SLC7A14: variants seen among roughly 807,000 people sequenced by gnomAD.
The protein encoded by SLC7A14 is gamma-aminobutyric acid transporter SLC7A14.
A neutral mutation model predicts 60.2 loss-of-function variants in SLC7A14; 37 were observed. The observed-to-expected ratio is 0.61, with a 90% CI of 0.47 to 0.81. The LOEUF (loss-of-function observed/expected upper bound fraction) is 0.81, where lower values mean the gene tolerates loss of function less well. SLC7A14 is among the 30% of genes least tolerant of loss of function. The pLI is 0.00. For synonymous variants in SLC7A14, 399 were observed against 395.8 expected (o/e 1.01, Z -0.10); for missense variants, 886 against 982.7 (o/e 0.90, Z 1.32).
intron 1 of SLC7A14, among the ~76,000 whole-genome samples, chr3:170,557,123 C>T (rs1481987016): frequency 6.6e-6 from 1 of 152,158 alleles, no homozygotes; most frequent in African/African-American, 2.4e-5. Flanking sequence ...GCACAGTTCT[C>T]CTACTGAGTG....
At chr3:170,502,667 T>A (rs907000400) in intron 2 of SLC7A14, 1 of 152,238 alleles carries the variant, frequency 6.6e-6, no homozygotes, top group African/African-American at 2.4e-5. Context: ...GGAACAATAG[T>A]TCACTCTTTT....
At chr3:170,540,282 C>T (rs528906599) in intron 1 of SLC7A14, among the ~76,000 whole-genome samples, 2 of 152,254 alleles carry the variant, frequency 1.3e-5, no homozygotes, top group South Asian at 4.1e-4. Context: ...TAAGGGAGGA[C>T]TACCATAATA....
chr3:170,496,506 G>A lies in SLC7A14; in HGVS notation c.759+2161C>T, dbSNP rs191976619. 2.2e-4 allele frequency: 332 copies of A among 1,496,992 alleles called. No homozygotes were observed. The African/African-American group carries it at 3.8e-3, about 17-fold the overall frequency. The allele number at this position is 1,496,992 out of a possible 1,614,324, so 92.7% of individuals were successfully genotyped here. ...CGCCAAGCGGTCGGAGCTGGAGGCC[G>A]CCCTGCAGCGGGCCAAGCAGGACAT... is the stretch of plus-strand genomic sequence containing the variant. On this transcript the variant is annotated intron_variant, in intron 4 of 7. Coordinates refer to ENST00000231706, the MANE Select transcript of SLC7A14 (RefSeq NM_020949.3).
At chr3:170,483,670 T>C in intron 5 of SLC7A14, 148 bp from the exon 6 acceptor site, 1 of 774,730 alleles carries the variant, frequency 1.3e-6, no homozygotes, top group Non-Finnish European at 2.1e-6. Flanking sequence ...GTGCCTTTAC[T>C]GTAGACCAGT....
chr3:170,546,350 G>A (rs1301976123), intron 1 of SLC7A14, among the ~76,000 whole-genome samples: 1 of 152,196 alleles, frequency 6.6e-6, no homozygotes, highest in Non-Finnish European at 1.5e-5. Flanking sequence ...GGGCATTTGT[G>A]TTGGGGTCTC....
intron 7 of SLC7A14, among the ~76,000 whole-genome samples, chr3:170,471,775 C>A (rs906047381): frequency 2.0e-5 from 3 of 152,138 alleles, no homozygotes; most frequent in African/African-American, 7.2e-5. Context: ...TGAAACCAAG[C>A]CTCAAGAATA....
At chr3:170,509,618 T>C (rs1281356973) in intron 2 of SLC7A14, among the ~76,000 whole-genome samples, 1 of 152,026 alleles carries the variant, frequency 6.6e-6, no homozygotes, top group Non-Finnish European at 1.5e-5. Context: ...GAGACCAGCC[T>C]GACCAACATG....
Position 170,526,613 on chromosome 3 carries a change from C to T in SLC7A14, c.304+20G>A, listed in dbSNP as rs1713508008. ...GGTAAGCACACTTTCCACAGTACTT[C>T]CCTGCATGGAGACACTTACCTGATA... On this transcript the variant is annotated intron_variant, in intron 2 of 7. Coordinates refer to ENST00000231706, the MANE Select transcript of SLC7A14 (RefSeq NM_020949.3). 6 of 1,610,198 alleles carry T rather than the reference C, an allele frequency of 3.7e-6. No individual in the cohort carries two copies. The highest frequency in any genetic ancestry group is 2.2e-5 in the South Asian group (2 of 90,512).
At chr3:170,508,861 C>A (rs769783444) in intron 2 of SLC7A14, among the ~76,000 whole-genome samples, 3 of 152,134 alleles carry the variant, frequency 2.0e-5, no homozygotes, top group Non-Finnish European at 4.4e-5. Context: ...TGTGAATTCT[C>A]TCAGAAACAT....
chr3:170,524,275 G>A (rs1327651213), intron 2 of SLC7A14, among the ~76,000 whole-genome samples: 3 of 152,204 alleles, frequency 2.0e-5, no homozygotes, highest in African/African-American at 7.2e-5. Flanking sequence ...GCTGGAAAGA[G>A]GTATGCACCA....
chr3:170,573,040 G>A (rs994595415), intron 1 of SLC7A14, among the ~76,000 whole-genome samples: 3 of 152,040 alleles, frequency 2.0e-5, no homozygotes, highest in Non-Finnish European at 4.4e-5. Flanking sequence ...AGTCATAGTC[G>A]CCACATGACT....
chr3:170,581,052 G>T (rs1381847033), intron 1 of SLC7A14, among the ~76,000 whole-genome samples: 1 of 152,122 alleles, frequency 6.6e-6, no homozygotes, highest in East Asian at 1.9e-4. Context: ...AGATGCATAA[G>T]GTTCTCCTAA....
intron 1 of SLC7A14, among the ~76,000 whole-genome samples, chr3:170,584,817 C>T (rs533453089): frequency 6.6e-6 from 1 of 152,052 alleles, no homozygotes; most frequent in East Asian, 1.9e-4. Flanking sequence ...TGACATCCTG[C>T]GGCCCTTGGG....
rs1180306118 is a variant in SLC7A14 at position 170,535,886 on chromosome 3, TA to T, written c.-152-8799del. 1.3e-5 allele frequency among the ~76,000 whole-genome samples: 2 copies of T among 152,206 alleles called. No individual in the cohort carries two copies. The highest frequency in any genetic ancestry group is 4.8e-5 in the African/African-American group (2 of 41,452). On this transcript the variant is annotated intron_variant, in intron 1 of 7. Coordinates refer to ENST00000231706, the MANE Select transcript of SLC7A14 (RefSeq NM_020949.3). This position sits in a 1 kb window ranked among gnomAD's most constrained non-coding sequence, Gnocchi z 4.3. ...CCACTGCCCTCATCTTTATATATAT[TA>T]ACAGTTCTTTTCACTAACTTTCCTC...
intron 1 of SLC7A14, among the ~76,000 whole-genome samples, chr3:170,560,764 G>C (rs952105305): frequency 6.6e-6 from 1 of 152,170 alleles, no homozygotes; most frequent in African/African-American, 2.4e-5. Context: ...TAGTTGGACA[G>C]TGTTTTTCAT....
rs899796218 is a variant in SLC7A14, at chr3:170,471,077, C to T, written c.1994-3700G>A. Among the ~76,000 whole-genome samples the T allele has an allele frequency of 2.3e-5, 3 of 130,086 alleles. No homozygotes were observed. In the South Asian group the frequency reaches 6.8e-4, roughly 29 times the overall value. 85.3% of individuals were successfully genotyped at this position (130,086 alleles called of 152,430 possible). On this transcript the variant is annotated intron_variant, in intron 7 of 7. Coordinates refer to ENST00000231706, the MANE Select transcript of SLC7A14 (RefSeq NM_020949.3). ...TTGTTTTGTTTAGACTCCCTTTAAC[C>T]TGTCTGGGAAGGGGTGTGTGTGTGT...
intron 5 of SLC7A14, 109 bp downstream of exon 5, chr3:170,486,113 A>G: frequency 7.1e-7 from 1 of 1,416,378 alleles, no homozygotes; most frequent in African/African-American, 1.4e-5. Context: ...TACAGGGGAC[A>G]AAAGACAGAC....
In SLC7A14 at chr3:170,480,881, C is replaced by T; in HGVS notation, c.1401G>A (p.Val467=). ...GGCCAGAAAACTCATCCCCCTCACT[C>T]ACAGGAGAACAAGCTTCCTTCTCAC... ...ADCEKEACSP[V]SEGDEFSGPA... is the part of the protein sequence containing the mutation. The change falls in exon 7 of 8, where the codon GTG becomes GTA. Residue 467 remains valine (V), a synonymous_variant. Transcript: ENST00000231706. 1 of 1,614,068 alleles carries T rather than the reference C, an allele frequency of 6.2e-7. No homozygotes were observed. The highest frequency in any genetic ancestry group is 8.5e-7 in the Non-Finnish European group (1 of 1,180,026).
chr3:170,514,146 T>C (rs142857769), intron 2 of SLC7A14, among the ~76,000 whole-genome samples: 1 of 152,360 alleles, frequency 6.6e-6, no homozygotes, highest in East Asian at 1.9e-4. Context: ...CCGTGGCTCC[T>C]TGTCTGCAGC....
Sources: gnomAD v4.1 joint callset for allele counts (sites outside exome capture counted in the v4.1 genomes callset) on GRCh38, gnomAD v4.1.1 for gene constraint, Gnocchi (gnomAD v3.1) non-coding constraint, MANE v1.5 for transcripts, NCBI Gene and HGNC (gene_info 2026-07-23, HGNC 2026-07-21) for gene names.